Variants in NCALD observed in about 807,000 individuals in gnomAD.
NCALD encodes neurocalcin-delta.
NCALD carries 10 observed loss-of-function variants against 18.6 expected under a neutral mutation model. The ratio of observed to expected loss-of-function variants is 0.54; its 90% CI spans 0.33 to 0.91. The LOEUF (loss-of-function observed/expected upper bound fraction) is 0.91, where lower values mean the gene tolerates loss of function less well. Among genes scored for constraint, NCALD ranks in the 40% least tolerant of loss-of-function variants. The pLI is 0.03. For synonymous variants in NCALD, 88 were observed against 87.4 expected, an observed-to-expected ratio of 1.01 and a Z score of -0.04; for missense variants, 184 against 247.6, an observed-to-expected ratio of 0.74 and a Z score of 1.72.
intron 3 of NCALD, among the ~76,000 whole-genome samples, chr8:101,900,092 G>A (rs915053650): frequency 5.9e-5 from 9 of 151,766 alleles, no homozygotes; most frequent in Non-Finnish European, 1.3e-4. Context: ...TATGAATTGT[G>A]GTAGTTTGTG....
intron 1 of NCALD, among the ~76,000 whole-genome samples, chr8:101,731,818 C>T (rs1323083215): frequency 6.6e-6 from 1 of 152,156 alleles, no homozygotes; most frequent in East Asian, 1.9e-4. Context: ...TGGAGGGGTA[C>T]TTTCACTGCA....
intron 2 of NCALD, among the ~76,000 whole-genome samples, chr8:101,994,219 AG>A (rs1284946172): frequency 6.6e-6 from 1 of 152,282 alleles, no homozygotes; most frequent in African/African-American, 2.4e-5. Flanking sequence ...TTCAGAGCCA[AG>A]GGAGGTATTG....
intron 1 of NCALD, among the ~76,000 whole-genome samples, chr8:102,111,412 A>ATGTGTGTG (rs57126471): frequency 0.021 from 3,146 of 147,704 alleles, 60 homozygotes; most frequent in East Asian, 0.053. Context: ...GTCTAAAGAG[A>ATGTGTGTG]TGTGTGTGTG....
chr8:101,839,161 G>A (rs1814535479), intron 4 of NCALD, among the ~76,000 whole-genome samples: 1 of 152,208 alleles, frequency 6.6e-6, no homozygotes, highest in African/African-American at 2.4e-5. Context: ...CTGCACTGAG[G>A]AAAGCTGTAT....
At chr8:101,715,335 G>C (rs1287388839) in intron 2 of NCALD, among the ~76,000 whole-genome samples, 1 of 152,060 alleles carries the variant, frequency 6.6e-6, no homozygotes, top group Non-Finnish European at 1.5e-5. Context: ...AACTCCAGAT[G>C]GATTAAAGAT....
At chr8:101,903,868 T>C (rs1817520935) in intron 3 of NCALD, among the ~76,000 whole-genome samples, 2 of 152,196 alleles carry the variant, frequency 1.3e-5, no homozygotes, top group Admixed American at 1.3e-4. Flanking sequence ...AGTGTGTGTC[T>C]CCTGTATATC....
intron 4 of NCALD, among the ~76,000 whole-genome samples, chr8:101,845,269 C>A (rs1039757077): frequency 3.4e-4 from 52 of 152,334 alleles, no homozygotes; most frequent in African/African-American, 1.2e-3. Flanking sequence ...TTCTTTATCT[C>A]ATTGCAGACC....
intron 1 of NCALD, among the ~76,000 whole-genome samples, chr8:102,046,998 A>G (rs1307918214): frequency 6.6e-6 from 1 of 152,132 alleles, no homozygotes; most frequent in Non-Finnish European, 1.5e-5. Context: ...AATAGACCCC[A>G]GCGTCTGTTG....
At chr8:101,775,139 G>C (rs905243292) in intron 1 of NCALD, among the ~76,000 whole-genome samples, 4 of 152,164 alleles carry the variant, frequency 2.6e-5, no homozygotes, top group Non-Finnish European at 4.4e-5. Context: ...TCCACTACAG[G>C]AGTTGTTAGT....
Position 101,901,911 on chromosome 8 carries a change from C to T in NCALD, c.-107+13898G>A, listed in dbSNP as rs184060175. Among the ~76,000 whole-genome samples the T allele has an allele frequency of 9.6e-3, 1,454 of 152,148 alleles. 10 individuals are homozygous for T. Among genetic ancestry groups the T allele is most frequent in the Non-Finnish European group, 0.014 (968 of 67,988 alleles). ...GTTCAAGTGATTCTCCTGCCTCAGC[C>T]GCCCAAGTAGCTGGGGTTACTGGCA... On this transcript the variant is annotated intron_variant, in intron 3 of 6. Transcript: ENST00000311028.
chr8:101,943,168 C>CG (rs1249546235), intron 2 of NCALD, among the ~76,000 whole-genome samples: 1 of 151,998 alleles, frequency 6.6e-6, no homozygotes, highest in Non-Finnish European at 1.5e-5. Flanking sequence ...CTGGGGTTGC[C>CG]GCACTCACTG....
intron 2 of NCALD, among the ~76,000 whole-genome samples, chr8:101,706,252 G>T (rs1231524297): frequency 6.6e-6 from 1 of 151,878 alleles, no homozygotes; most frequent in African/African-American, 2.4e-5. Flanking sequence ...TAAATGTGGA[G>T]ATAGATGGTG....
At chr8:101,773,824 G>A (rs1811683973) in intron 1 of NCALD, among the ~76,000 whole-genome samples, 1 of 152,142 alleles carries the variant, frequency 6.6e-6, no homozygotes, top group African/African-American at 2.4e-5. Context: ...AAAAACACGT[G>A]CTTTCTCAGA....
At chr8:101,775,443 T>C (rs1332592526) in intron 1 of NCALD, among the ~76,000 whole-genome samples, 1 of 152,096 alleles carries the variant, frequency 6.6e-6, no homozygotes, top group African/African-American at 2.4e-5. Flanking sequence ...TCACCACAGG[T>C]TTTATAGAGG....
chr8:102,004,156 A>G (rs908797292), intron 2 of NCALD, among the ~76,000 whole-genome samples: 1 of 151,852 alleles, frequency 6.6e-6, no homozygotes, highest in Non-Finnish European at 1.5e-5. Flanking sequence ...AAATCTCCTT[A>G]AGCTGATAAG....
intron 1 of NCALD, among the ~76,000 whole-genome samples, chr8:102,114,561 G>A (rs564258752): frequency 6.6e-6 from 1 of 152,356 alleles, no homozygotes; most frequent in South Asian, 2.1e-4. Flanking sequence ...AGTGGCTGAA[G>A]GAACCCAAAG....
chr8:102,030,283 G>A (rs533003234), intron 1 of NCALD, among the ~76,000 whole-genome samples: 28 of 152,320 alleles, frequency 1.8e-4, no homozygotes, highest in African/African-American at 6.5e-4. Flanking sequence ...AGTAGTTCTT[G>A]ATTTTTCAGT....
At chr8:101,979,764 A>T (rs987378421) in intron 2 of NCALD, among the ~76,000 whole-genome samples, 1 of 152,220 alleles carries the variant, frequency 6.6e-6, no homozygotes. Flanking sequence ...AGCAAGAGCA[A>T]CAAATAGAAA....
rs117639892 is a variant in NCALD, at chr8:101,688,815, C to G, written c.*494G>C. On this transcript the variant is annotated 3_prime_UTR_variant, in exon 4 of 4. Transcript: ENST00000220931. Reference sequence around the variant, plus strand: ...GCCCCCATGGGGAAATGTCCCAGCTCGCTGGAATAGCCTCACCCCAGAGGG... The same window carrying G: ...GCCCCCATGGGGAAATGTCCCAGCTGGCTGGAATAGCCTCACCCCAGAGGG... 72 of 626,002 alleles carry G rather than the reference C, an allele frequency of 1.2e-4. No individual in the cohort carries two copies. The East Asian group carries it at 2.3e-3, about 20-fold the overall frequency. The allele number at this position is 626,002 out of a possible 1,614,324, so 38.8% of individuals were successfully genotyped here.
Sources: gnomAD v4.1 joint callset for allele counts (sites outside exome capture counted in the v4.1 genomes callset) on GRCh38, gnomAD v4.1.1 for gene constraint, MANE v1.5 for transcripts, NCBI Gene and HGNC (gene_info 2026-07-23, HGNC 2026-07-21) for gene names.